The following EPOR variants were observed in gnomAD, a reference collection of about 807,000 sequenced individuals.
EPOR encodes erythropoietin receptor.
EPOR carries 20 observed loss-of-function variants against 34.3 expected under a neutral mutation model. The observed-to-expected ratio is 0.58, with a 90% CI of 0.41 to 0.85. The LOEUF (loss-of-function observed/expected upper bound fraction) is 0.85. Ranked by LOEUF, EPOR falls within the 40% of genes least tolerant of loss-of-function variation. The probability of loss-of-function intolerance (pLI) is 0.00; values close to 1 mark genes in which losing one functional copy is unlikely to be tolerated. For synonymous variants in EPOR, 312 were observed against 299.0 expected (o/e 1.04, Z -0.45); for missense variants, 601 against 672.7 (o/e 0.89, Z 1.18).
rs1968398203 is a variant in EPOR, at chr19:11,383,778, C to T, written c.115+315G>A. 6.6e-6 allele frequency among the ~76,000 whole-genome samples: 1 copy of T among 151,924 alleles called. No individual in the cohort carries two copies. Among genetic ancestry groups the T allele is most frequent in the Non-Finnish European group, 1.5e-5 (1 of 67,882 alleles). On this transcript the variant is annotated intron_variant, in intron 1 of 7. Coordinates refer to ENST00000222139, the MANE Select transcript of EPOR (RefSeq NM_000121.4). The surrounding 1 kb of genome is among the most constrained non-coding windows in gnomAD (Gnocchi z 4.9). ...GGAGGGTCGGCTTGGTCCCCACCCC[C>T]CAGGGACCTTAGCACCAAGTCAGCC...
rs1457093922 is a variant in EPOR at position 11,384,042 on chromosome 19, G to A, written c.115+51C>T. On this transcript the variant is annotated intron_variant, in intron 1 of 7. Coordinates refer to ENST00000222139, the MANE Select transcript of EPOR (RefSeq NM_000121.4). ...ACCTAGGCTGGGAGTTCAGGCCCCA[G>A]CATGGTCCTGCAGGCTCCAGCGTAG... is the stretch of plus-strand genomic sequence containing the variant. 2.4e-6 allele frequency: 3 copies of A among 1,248,178 alleles called. No individual in the cohort carries two copies. In the East Asian group the frequency reaches 7.6e-5, roughly 32 times the overall value. The allele number at this position is 1,248,178 out of a possible 1,614,324, so 77.3% of individuals were successfully genotyped here.
In EPOR at chr19:11,378,224, C is replaced by T. The variant is rs1968309037; in HGVS notation, c.1287G>A (p.Leu429=). 6.2e-7 allele frequency: 1 copy of T among 1,614,072 alleles called. No individual in the cohort carries two copies. The highest frequency in any genetic ancestry group is 2.2e-5 in the East Asian group (1 of 44,886). Residue 429 remains leucine, a synonymous_variant, in exon 8 of 8, where the codon CTG becomes CTA. Coordinates refer to ENST00000222139, the MANE Select transcript of EPOR (RefSeq NM_000121.4). This position sits in a 1 kb window ranked among gnomAD's most constrained non-coding sequence, Gnocchi z 5.3. ...GACGCAAGAGCTGGGAGCTGGGGTC[C>T]AGGATAGTGTACTCAAAGCTGGCAG... ...ASAASFEYTI[L]DPSSQLLRPW... is the part of the protein sequence containing the mutation.
Position 11,377,510 on chromosome 19 carries a change from G to A in EPOR, c.*474C>T. On this transcript the variant is annotated 3_prime_UTR_variant, in exon 8 of 8. Coordinates refer to ENST00000222139, the MANE Select transcript of EPOR (RefSeq NM_000121.4). ...GAGAAGGTAGAGCTACAGACTGGAA[G>A]AGTCTGAACCTCTGACTCATCCCAT... 2.2e-6 allele frequency: 1 copy of A among 454,298 alleles called. No homozygotes were observed. 28.1% of individuals were successfully genotyped at this position (454,298 alleles called of 1,614,324 possible). A position where few individuals can be genotyped will look rare whatever the true frequency, so the allele number is the denominator to read the frequency against.
At position 11,381,339 on chromosome 19, in the gene EPOR, A is replaced by G. The variant is rs543205092; in HGVS notation, c.586-130T>C. The G allele has an allele frequency of 6.4e-4, 655 of 1,016,788 alleles. 2 individuals are homozygous for G. Among genetic ancestry groups the G allele is most frequent in the Non-Finnish European group, 8.5e-4 (580 of 679,042 alleles). 63.0% of individuals were successfully genotyped at this position (1,016,788 alleles called of 1,614,324 possible). On this transcript the variant is annotated intron_variant, in intron 4 of 7. Transcript: ENST00000222139. This position sits in a 1 kb window ranked among gnomAD's most constrained non-coding sequence, Gnocchi z 5.3. ...CTAGAATTGCAATGGGACCAATAAG[A>G]GTAGGGGGAGGAGCCCAAGAAAGCT...
In EPOR at chr19:11,381,659, C is replaced by A. The variant is rs751412892; in HGVS notation, c.585+33G>T. On this transcript the variant is annotated intron_variant, in intron 4 of 7. Transcript: ENST00000222139. This position sits in a 1 kb window ranked among gnomAD's most constrained non-coding sequence, Gnocchi z 5.3. The stretch of plus-strand genomic sequence containing the variant: ...CGTGGCTGGGCCGTAGTCAGTGGAG[C>A]TTTGGGGGCTGGGCCGTAGGGGCTG... The A allele has an allele frequency of 1.3e-6, 2 of 1,576,110 alleles. No individual in the cohort carries two copies. The highest frequency in any genetic ancestry group is 2.7e-5 in the African/African-American group (2 of 73,950).
Position 11,378,461 on chromosome 19 carries a change from A to G in EPOR, c.1050T>C (p.Asp350=). The change falls in exon 8 of 8, where the codon GAT becomes GAC. Residue 350 remains aspartate, a synonymous_variant. Coordinates refer to ENST00000222139, the MANE Select transcript of EPOR (RefSeq NM_000121.4). This position sits in a 1 kb window ranked among gnomAD's most constrained non-coding sequence, Gnocchi z 5.3. ...CTGGCTCCAGCAGGGGGCCCTCATC[A>G]TCTGTCCCCGGCTCCACTGCCTGCA... is the stretch of plus-strand genomic sequence containing the variant. ...GTMQAVEPGT[D]DEGPLLEPVG... is the part of the protein sequence containing the mutation. 6.2e-7 allele frequency: 1 copy of G among 1,614,118 alleles called. No individual in the cohort carries two copies. Among genetic ancestry groups the G allele is most frequent in the Non-Finnish European group, 8.5e-7 (1 of 1,180,004 alleles).
rs1012227653 is a variant in EPOR, at chr19:11,377,750, A to T, written c.*234T>A. On this transcript the variant is annotated 3_prime_UTR_variant, in exon 8 of 8. Coordinates refer to ENST00000222139, the MANE Select transcript of EPOR (RefSeq NM_000121.4). ...GACTTAAAGGGTGTTTGTAGAAATC[A>T]TGGTAGAAAAACTTACATACATATG... is the stretch of plus-strand genomic sequence containing the variant. 3 of 667,444 alleles carry T rather than the reference A, an allele frequency of 4.5e-6. No homozygotes were observed. The highest frequency in any genetic ancestry group is 4.4e-5 in the South Asian group (3 of 67,784). 41.3% of individuals were successfully genotyped at this position (667,444 alleles called of 1,614,324 possible).
chr19:11,381,167 G>A lies in EPOR; in HGVS notation c.628C>T (p.Leu210=). The change falls in exon 5 of 8, where the codon CTG becomes TTG. Residue 210 remains leucine (L), a synonymous_variant. Transcript: ENST00000222139. This position sits in a 1 kb window ranked among gnomAD's most constrained non-coding sequence, Gnocchi z 5.3. ...AAGGTGTAGCGCGTCCGGCCCCGCA[G>A]GTTGCTCAGCACACACTCGGTGCGG... ...EGRTECVLSN[L]RGRTRYTFAV... 3 of 1,553,408 alleles carry A rather than the reference G, an allele frequency of 1.9e-6. No homozygotes were observed. Among genetic ancestry groups the A allele is most frequent in the Non-Finnish European group, 2.6e-6 (3 of 1,148,882 alleles).
Position 11,378,914 on chromosome 19 carries a change from G to T in EPOR, c.828-136C>A. Reference sequence around the variant, plus strand: ...AATGGAGGCAGAGGAGTACATCAGGGCCAGGGGACAGGGGTTTTGGCTGAA... The same window carrying T: ...AATGGAGGCAGAGGAGTACATCAGGTCCAGGGGACAGGGGTTTTGGCTGAA... On this transcript the variant is annotated intron_variant, in intron 6 of 7. Transcript: ENST00000222139. This position sits in a 1 kb window ranked among gnomAD's most constrained non-coding sequence, Gnocchi z 5.3. 1.1e-6 allele frequency: 1 copy of T among 889,586 alleles called. No homozygotes were observed. Among genetic ancestry groups the T allele is most frequent in the Non-Finnish European group, 1.8e-6 (1 of 555,792 alleles). 55.1% of individuals were successfully genotyped at this position (889,586 alleles called of 1,614,324 possible).
Position 11,381,938 on chromosome 19 carries a change from T to C in EPOR, c.419A>G (p.Asn140Ser), listed in dbSNP as rs1163332105. The change falls in exon 3 of 8, where the codon AAT becomes AGT. Residue 140 changes from asparagine to serine, a missense_variant. Physicochemically the swap from Asn to Ser is conservative, Grantham distance 46. Coordinates refer to ENST00000222139, the MANE Select transcript of EPOR (RefSeq NM_000121.4). The surrounding 1 kb of genome is among the most constrained non-coding windows in gnomAD (Gnocchi z 5.3). ...APRYHRVIHINEVVLLDAPVG... is the reference protein window; with the variant it reads ...APRYHRVIHISEVVLLDAPVG... The stretch of plus-strand genomic sequence containing the variant: ...ATTCCCAGAGCACTTACCTACTTCA[T>C]TGATGTGGATGACACGGTGATATCG... 8 of 1,614,042 alleles carry C rather than the reference T, an allele frequency of 5.0e-6. No individual in the cohort carries two copies. The highest frequency in any genetic ancestry group is 6.8e-6 in the Non-Finnish European group (8 of 1,180,010).
chr19:11,379,154 C>T (rs1357335103), intron 6 of EPOR, among the ~76,000 whole-genome samples: 1 of 151,848 alleles, frequency 6.6e-6, no homozygotes, highest in Non-Finnish European at 1.5e-5. Context: ...AGTGAGACCC[C>T]CATCTCTAAA....
rs904571244 is a variant in EPOR at position 11,383,982 on chromosome 19, G to A, written c.115+111C>T. The A allele has an allele frequency of 3.4e-5, 26 of 769,368 alleles. No homozygotes were observed. The highest frequency in any genetic ancestry group is 3.0e-4 in the East Asian group (11 of 36,548). The allele number at this position is 769,368 out of a possible 1,614,324, so 47.7% of individuals were successfully genotyped here. On this transcript the variant is annotated intron_variant, in intron 1 of 7. Transcript: ENST00000222139. The surrounding 1 kb of genome is among the most constrained non-coding windows in gnomAD (Gnocchi z 4.9). ...GATGCCAGCTTGGCCCCCAGGACCC[G>A]GTCAGGAAGTCCAGAAACAGGCATG...
chr19:11,382,685 GA>G (rs1968379279), intron 2 of EPOR, among the ~76,000 whole-genome samples: 1 of 152,064 alleles, frequency 6.6e-6, no homozygotes, highest in Non-Finnish European at 1.5e-5. Flanking sequence ...AAGAGACGGG[GA>G]TCTCGCTGTG....
rs907175149 is a variant in EPOR at position 11,383,528 on chromosome 19, G to C, written c.116-296C>G. ...CCTCGAGCTCGGGACTGCCAGCCCCGCCCCAGCCTAGGACACGCGCGCGGC... is the reference window on the plus strand; with the variant it reads ...CCTCGAGCTCGGGACTGCCAGCCCCCCCCCAGCCTAGGACACGCGCGCGGC... On this transcript the variant is annotated intron_variant, in intron 1 of 7. Coordinates refer to ENST00000222139, the MANE Select transcript of EPOR (RefSeq NM_000121.4). This position sits in a 1 kb window ranked among gnomAD's most constrained non-coding sequence, Gnocchi z 4.9. 2.9e-6 allele frequency: 1 copy of C among 349,820 alleles called. No individual in the cohort carries two copies. Among genetic ancestry groups the C allele is most frequent in the Non-Finnish European group, 5.3e-6 (1 of 190,090 alleles). 21.7% of individuals were successfully genotyped at this position (349,820 alleles called of 1,614,324 possible).
Position 11,378,415 on chromosome 19 carries a change from C to T in EPOR, c.1096G>A (p.Asp366Asn). 6.2e-7 allele frequency: 1 copy of T among 1,614,028 alleles called. No individual in the cohort carries two copies. Among genetic ancestry groups the T allele is most frequent in the Non-Finnish European group, 8.5e-7 (1 of 1,180,022 alleles). ...CATTTGTCCAGCACCAGATAGGTATCCTGGGCATGCTCACTGCCCACTGGC... is the reference window on the plus strand; with the variant it reads ...CATTTGTCCAGCACCAGATAGGTATTCTGGGCATGCTCACTGCCCACTGGC... ...LEPVGSEHAQDTYLVLDKWLL... is the reference protein window; with the variant it reads ...LEPVGSEHAQNTYLVLDKWLL... The change falls in exon 8 of 8, where the codon GAT (aspartate) becomes AAT (asparagine). Residue 366 changes from aspartate (D) to asparagine (N), a missense_variant. Asp to Asn is a conservative substitution (Grantham distance 23, BLOSUM62 1). Coordinates refer to ENST00000222139, the MANE Select transcript of EPOR (RefSeq NM_000121.4). This position sits in a 1 kb window ranked among gnomAD's most constrained non-coding sequence, Gnocchi z 5.3.
chr19:11,384,046 G>T, intron 1 of EPOR, 47 bp downstream of exon 1: 1 of 1,277,166 alleles, frequency 7.8e-7, no homozygotes, highest in Non-Finnish European at 1.1e-6. Context: ...GCCCCAGCAT[G>T]GTCCTGCAGG....
At position 11,378,502 on chromosome 19, in the gene EPOR, G is replaced by T; in HGVS notation, c.1009C>A (p.Arg337Ser). 6.2e-7 allele frequency: 1 copy of T among 1,614,202 alleles called. No individual in the cohort carries two copies. Among genetic ancestry groups the T allele is most frequent in the Non-Finnish European group, 8.5e-7 (1 of 1,180,022 alleles). The change falls in exon 8 of 8, where the codon CGC becomes AGC. Residue 337 changes from arginine to serine, a missense_variant. Physicochemically the swap from Arg to Ser is moderately radical, Grantham distance 110. Coordinates refer to ENST00000222139, the MANE Select transcript of EPOR (RefSeq NM_000121.4). This position sits in a 1 kb window ranked among gnomAD's most constrained non-coding sequence, Gnocchi z 5.3. ...PPASLEVLSE[R>S]CWGTMQAVEP... The stretch of plus-strand genomic sequence containing the variant: ...ACTGCCTGCATCGTCCCCCAGCAGC[G>T]CTCTGAGAGGACTTCCAGGGAAGCA...
At position 11,381,308 on chromosome 19, in the gene EPOR, G is replaced by A. The variant is rs538164797; in HGVS notation, c.586-99C>T. On this transcript the variant is annotated intron_variant, in intron 4 of 7. Coordinates refer to ENST00000222139, the MANE Select transcript of EPOR (RefSeq NM_000121.4). The surrounding 1 kb of genome is among the most constrained non-coding windows in gnomAD (Gnocchi z 5.3). ...TGAGCCAATCAGGGGAAAGGAAAAC[G>A]GTGCCCTAGAATTGCAATGGGACCA... is the stretch of plus-strand genomic sequence containing the variant. 7.3e-7 allele frequency: 1 copy of A among 1,371,388 alleles called. No homozygotes were observed. The highest frequency in any genetic ancestry group is 1.4e-5 in the African/African-American group (1 of 69,796). 85.0% of individuals were successfully genotyped at this position (1,371,388 alleles called of 1,614,324 possible).
chr19:11,382,491 G>A (rs1968376433), intron 2 of EPOR, among the ~76,000 whole-genome samples: 1 of 151,786 alleles, frequency 6.6e-6, no homozygotes, highest in Non-Finnish European at 1.5e-5. Flanking sequence ...AGCCTCCCGA[G>A]TAGCTGGGAT....
Sources: allele counts gnomAD v4.1 joint callset (sites outside exome capture counted in the v4.1 genomes callset), GRCh38; gene constraint gnomAD v4.1.1; non-coding constraint Gnocchi (gnomAD v3.1); transcripts MANE v1.5; gene names NCBI Gene and HGNC (gene_info 2026-07-23, HGNC 2026-07-21).